SALL2: variants seen among roughly 807,000 people sequenced by gnomAD.
The protein encoded by SALL2 is spalt like transcription factor 2, also known as sal-like protein 2.
Under a neutral mutation model 58.5 loss-of-function variants are expected in SALL2, and 32 were observed. That is an observed-to-expected ratio of 0.55 (90% CI 0.41 to 0.74). SALL2 has a LOEUF of 0.74. SALL2 is among the 30% of genes least tolerant of loss of function. SALL2 has a pLI of 0.00. For missense variants in SALL2, 1,201 were observed against 1,268.9 expected (o/e 0.95, Z 0.81); for synonymous variants, 516 against 513.6 (o/e 1.00, Z -0.06).
Position 21,522,887 on chromosome 14 carries a change from C to T in SALL2, c.2835G>A (p.Gln945=). 1.9e-6 allele frequency: 3 copies of T among 1,611,908 alleles called. No individual in the cohort carries two copies. Among genetic ancestry groups the T allele is most frequent in the Non-Finnish European group, 2.5e-6 (3 of 1,178,828 alleles). Residue 945 remains glutamine (Q), a synonymous_variant, in exon 2 of 2, where the codon CAG becomes CAA. Coordinates refer to ENST00000537235, the MANE Select transcript of SALL2 (RefSeq NM_001364564.1). Reference sequence around the variant, plus strand: ...TGAGGGTAGCCCGCTCAAGAAAGCCCTGCCTGCAGAAAACACAAGTGAAGA... The same window carrying T: ...TGAGGGTAGCCCGCTCAAGAAAGCCTTGCCTGCAGAAAACACAAGTGAAGA... The part of the protein sequence containing the change: ...GPLFTCVFCR[Q]GFLERATLKK...
Position 21,522,530 on chromosome 14 carries a change from C to T in SALL2, c.*174G>A. 7.2e-7 allele frequency: 1 copy of T among 1,384,780 alleles called. No individual in the cohort carries two copies. Among genetic ancestry groups the T allele is most frequent in the African/African-American group, 1.4e-5 (1 of 69,160 alleles). The allele number at this position is 1,384,780 out of a possible 1,614,324, so 85.8% of individuals were successfully genotyped here. ...AAGAAAAATTCCTTAGGGGGCCATC[C>T]CCTTGTAAGCACAGTAATTTCCAAG... is the stretch of plus-strand genomic sequence containing the variant. On this transcript the variant is annotated 3_prime_UTR_variant, in exon 2 of 2. Transcript: ENST00000537235.
Position 21,525,840 on chromosome 14 carries a change from A to AT in SALL2, c.68-187_68-186insA, listed in dbSNP as rs1555328814. Among the ~76,000 whole-genome samples the AT allele has an allele frequency of 1.0e-3, 3 of 2,976 alleles. No individual in the cohort carries two copies. Among genetic ancestry groups the AT allele is most frequent in the African/African-American group, 2.5e-3 (3 of 1,194 alleles). 2.0% of individuals were successfully genotyped at this position (2,976 alleles called of 152,430 possible). On this transcript the variant is annotated intron_variant, in intron 1 of 1. Coordinates refer to ENST00000537235, the MANE Select transcript of SALL2 (RefSeq NM_001364564.1). The surrounding 1 kb of genome is among the most constrained non-coding windows in gnomAD (Gnocchi z 4.4). ...GACAGGAGACAACCCGGCATGGGGC[A>AT]GGGGGGTGGGGAGGGAGGAGGGGAG...
chr14:21,533,328 T>C (rs11157019), intron 1 of SALL2, among the ~76,000 whole-genome samples: 65,085 of 151,996 alleles, frequency 0.43, 14,186 homozygotes, highest in Middle Eastern at 0.52. Context: ...ATGAGGCTCT[T>C]TACTTCCAAA....
At chr14:21,533,293 G>T (rs1892512188) in intron 1 of SALL2, among the ~76,000 whole-genome samples, 1 of 152,130 alleles carries the variant, frequency 6.6e-6, no homozygotes, top group Non-Finnish European at 1.5e-5. Flanking sequence ...TAGGTTGAGT[G>T]GCCCAGGGAT....
In SALL2 at chr14:21,521,221, A is replaced by G. The variant is rs1009730266; in HGVS notation, c.*1483T>C. 1 of 151,864 alleles carries G rather than the reference A, an allele frequency of 6.6e-6. No individual in the cohort carries two copies. Among genetic ancestry groups the G allele is most frequent in the Non-Finnish European group, 1.5e-5 (1 of 67,970 alleles). 9.4% of individuals were successfully genotyped at this position (151,864 alleles called of 1,614,324 possible). The stretch of plus-strand genomic sequence containing the variant: ...CAAGTCAGTCAATAGCAAAACCCTC[A>G]CTCTCTCCTCCTCAGAACTCCTGTT... On this transcript the variant is annotated 3_prime_UTR_variant, in exon 2 of 2. Coordinates refer to ENST00000537235, the MANE Select transcript of SALL2 (RefSeq NM_001364564.1).
At chr14:21,530,162 A>G (rs979266941), upstream of SALL2, among the ~76,000 whole-genome samples, 7 of 152,028 alleles carry the variant, frequency 4.6e-5, no homozygotes, top group African/African-American at 1.7e-4. Context: ...AGAATTTGAT[A>G]TAATTTACAC....
chr14:21,530,849 G>A (rs1009849057), upstream of SALL2, among the ~76,000 whole-genome samples: 1 of 152,118 alleles, frequency 6.6e-6, no homozygotes, highest in Non-Finnish European at 1.5e-5. Context: ...TGGGCTCAAG[G>A]GATCCTCCTG....
chr14:21,535,350 AAAAAAAAG>A (rs1027820526), intron 1 of SALL2, among the ~76,000 whole-genome samples: 2 of 150,420 alleles, frequency 1.3e-5, no homozygotes, highest in East Asian at 2.0e-4. Flanking sequence ...CTCTCAAAAA[AAAAAAAAG>A]AAAAAAAGAA....
rs1892129494 is a variant in SALL2, at chr14:21,523,386, T to A, written c.2336A>T (p.Asp779Val). 1.2e-6 allele frequency: 2 copies of A among 1,613,746 alleles called. No individual in the cohort carries two copies. The highest frequency in any genetic ancestry group is 2.2e-5 in the East Asian group (1 of 44,882). The stretch of plus-strand genomic sequence containing the variant: ...CTCTGAGCCTCTCCCTGCCAGGGAA[T>A]CTTCATCAGTCACATCTTCCTCTTC... Reference protein sequence around the residue: ...EEEEEDVTDEDSLAGRGSESG... With the variant: ...EEEEEDVTDEVSLAGRGSESG... Residue 779 changes from aspartate (D) to valine (V), a missense_variant, in exon 2 of 2, where the codon GAT becomes GTT. Physicochemically the swap from Asp to Val is radical, Grantham distance 152 (BLOSUM62 -3). Around this residue, in one of 3 missense-constraint regions of SALL2, gnomAD observed 675 missense variants for 683.8 expected, o/e 0.99. Coordinates refer to ENST00000537235, the MANE Select transcript of SALL2 (RefSeq NM_001364564.1). The surrounding 1 kb of genome is among the most constrained non-coding windows in gnomAD (Gnocchi z 4.4).
intron 1 of SALL2, among the ~76,000 whole-genome samples, chr14:21,532,699 C>T (rs1042915530): frequency 3.5e-4 from 53 of 152,042 alleles, no homozygotes; most frequent in African/African-American, 1.2e-3. Context: ...CGTGGTGGCT[C>T]ACGCCTGTAA....
intron 1 of SALL2, among the ~76,000 whole-genome samples, chr14:21,532,516 C>CT: frequency 6.6e-6 from 1 of 152,236 alleles, no homozygotes; most frequent in East Asian, 1.9e-4. Flanking sequence ...TGGCATGCAC[C>CT]TGTAATCCCA....
At chr14:21,527,050 C>T (rs2139676621), upstream of SALL2, among the ~76,000 whole-genome samples, 1 of 152,302 alleles carries the variant, frequency 6.6e-6, no homozygotes, top group Middle Eastern at 3.4e-3. Flanking sequence ...AGAGTCCATG[C>T]TTATTTAATA....
Position 21,522,515 on chromosome 14 carries a change from C to A in SALL2, c.*189G>T. The A allele has an allele frequency of 1.4e-6, 2 of 1,384,130 alleles. No homozygotes were observed. Among genetic ancestry groups the A allele is most frequent in the Non-Finnish European group, 1.9e-6 (2 of 1,073,910 alleles). 85.7% of individuals were successfully genotyped at this position (1,384,130 alleles called of 1,614,324 possible). On this transcript the variant is annotated 3_prime_UTR_variant, in exon 2 of 2. Transcript: ENST00000537235. ...AAAGAATGAGGAGGGAAGAAAAATT[C>A]CTTAGGGGGCCATCCCCTTGTAAGC...
At chr14:21,536,014 TG>T (rs1244824266) in intron 1 of SALL2, among the ~76,000 whole-genome samples, 3 of 152,210 alleles carry the variant, frequency 2.0e-5, no homozygotes, top group Admixed American at 2.0e-4. Context: ...GTCCTGATTT[TG>T]CTTCTGTCTC....
chr14:21,531,618 G>A (rs954850995), intron 1 of SALL2, among the ~76,000 whole-genome samples: 1 of 151,966 alleles, frequency 6.6e-6, no homozygotes, highest in African/African-American at 2.4e-5. Flanking sequence ...ATATTGCTCA[G>A]GCTGGTCTCA....
chr14:21,523,763 A>G lies in SALL2; in HGVS notation c.1959T>C (p.Gly653=), dbSNP rs940742822. Reference sequence around the variant, plus strand: ...ACACTTTGCATTTGAAGGGCCTCTCACCTCCATGTTGGCCATAATGAAGGC... The same window carrying G: ...ACACTTTGCATTTGAAGGGCCTCTCGCCTCCATGTTGGCCATAATGAAGGC... The part of the protein sequence containing the change: ...ALRLHYGQHG[G]ERPFKCKVCG... The change falls in exon 2 of 2, where the codon GGT becomes GGC. Residue 653 remains glycine (G), a synonymous_variant. Coordinates refer to ENST00000537235, the MANE Select transcript of SALL2 (RefSeq NM_001364564.1). This position sits in a 1 kb window ranked among gnomAD's most constrained non-coding sequence, Gnocchi z 4.4. The G allele has an allele frequency of 9.9e-6, 16 of 1,613,966 alleles. No homozygotes were observed. Among genetic ancestry groups the G allele is most frequent in the Non-Finnish European group, 1.3e-5 (15 of 1,180,032 alleles).
intron 1 of SALL2, among the ~76,000 whole-genome samples, chr14:21,533,686 G>T (rs1892522827): frequency 2.0e-5 from 3 of 151,002 alleles, no homozygotes; most frequent in Admixed American, 6.6e-5. Flanking sequence ...GTTAGGTTTT[G>T]ATGCTCTGGT....
rs1892307565 is a variant in SALL2, at chr14:21,526,270, G to A, written c.-143C>T. The A allele has an allele frequency of 2.1e-6, 3 of 1,442,848 alleles. No individual in the cohort carries two copies. Among genetic ancestry groups the A allele is most frequent in the Non-Finnish European group, 2.7e-6 (3 of 1,102,376 alleles). 89.4% of individuals were successfully genotyped at this position (1,442,848 alleles called of 1,614,324 possible). On this transcript the variant is annotated 5_prime_UTR_variant, in exon 1 of 2. Coordinates refer to ENST00000537235, the MANE Select transcript of SALL2 (RefSeq NM_001364564.1). ...ATGGAGATCGGCAGCGGCGGGGGCA[G>A]GGAGCAGCGGCGGAGGGGGAGGGGA...
upstream of SALL2, among the ~76,000 whole-genome samples, chr14:21,527,081 C>A (rs1030141150): frequency 2.0e-5 from 3 of 152,158 alleles, no homozygotes; most frequent in Non-Finnish European, 2.9e-5. Context: ...TATTTAGTAC[C>A]CTCTTCCTCC....
Sources: gnomAD v4.1 joint callset for allele counts (sites outside exome capture counted in the v4.1 genomes callset) on GRCh38, gnomAD v4.1.1 for gene constraint, gnomAD v4.1.1 regional missense constraint, Gnocchi (gnomAD v3.1) non-coding constraint, MANE v1.5 for transcripts, NCBI Gene and HGNC (gene_info 2026-07-23, HGNC 2026-07-21) for gene names.